Variants in TNRC18 observed in about 807,000 individuals in gnomAD.
TNRC18 encodes the protein trinucleotide repeat-containing gene 18 protein.
A neutral mutation model predicts 226.7 loss-of-function variants in TNRC18; 69 were observed. That is an observed-to-expected ratio of 0.30 (90% CI 0.25 to 0.37). TNRC18 has a LOEUF of 0.37. Ranked by LOEUF, TNRC18 falls within the 10% of genes least tolerant of loss-of-function variation. TNRC18 has a pLI of 1.00. For missense variants in TNRC18, 4,754 were observed against 4,256.6 expected, an observed-to-expected ratio of 1.12 and a Z score of -3.25; for synonymous variants, 2,449 against 1,927.6, an observed-to-expected ratio of 1.27 and a Z score of -7.09.
rs551361804 is a variant in TNRC18, at chr7:5,308,091, C to A, written c.*15G>T. On this transcript the variant is annotated 3_prime_UTR_variant, in exon 30 of 30. Transcript: ENST00000430969. ...CCGCCCTCGGGGCACAGGTGGCCCGCAGGGCCCGGCGGGCTCAGCAGAGCA... is the reference window on the plus strand; with the variant it reads ...CCGCCCTCGGGGCACAGGTGGCCCGAAGGGCCCGGCGGGCTCAGCAGAGCA... 1.3e-4 allele frequency: 205 copies of A among 1,544,248 alleles called. 1 individual carries two copies. The East Asian group carries it at 4.9e-3, about 37-fold the overall frequency.
intron 21 of TNRC18, among the ~76,000 whole-genome samples, chr7:5,323,662 G>C (rs1788611567): frequency 6.7e-6 from 1 of 149,114 alleles, no homozygotes; most frequent in Non-Finnish European, 1.5e-5. Context: ...CCGCCTCCTG[G>C]TTTCAAGTGA....
chr7:5,376,155 A>AG lies in TNRC18; in HGVS notation c.2677dup (p.Leu893ProfsTer221). ...GAGCTGCAGCTGCTGGGCGTGGTGC[A>AG]GGGGGCTGCGGCCCGGCGGGTACAG... is the stretch of plus-strand genomic sequence containing the variant. On this transcript the variant is annotated frameshift_variant, in exon 9 of 30. Transcript: ENST00000430969. LOFTEE classifies it high-confidence loss of function. The AG allele has an allele frequency of 6.3e-7, 1 of 1,583,196 alleles. No individual in the cohort carries two copies. Among genetic ancestry groups the AG allele is most frequent in the South Asian group, 1.2e-5 (1 of 86,550 alleles).
chr7:5,396,340 T>TC (rs1267408972), intron 2 of TNRC18, among the ~76,000 whole-genome samples: 1 of 151,850 alleles, frequency 6.6e-6, no homozygotes, highest in African/African-American at 2.4e-5. Flanking sequence ...AGAGTGAGAC[T>TC]CCGTCTCAAA....
intron 16 of TNRC18, among the ~76,000 whole-genome samples, chr7:5,354,019 G>T (rs1466140375): frequency 6.6e-6 from 1 of 151,986 alleles, no homozygotes; most frequent in Non-Finnish European, 1.5e-5. Flanking sequence ...CCTGGCCAAT[G>T]TGGTGAAACC....
intron 15 of TNRC18, among the ~76,000 whole-genome samples, chr7:5,359,078 C>A (rs567257508): frequency 6.6e-6 from 1 of 152,262 alleles, no homozygotes; most frequent in South Asian, 2.1e-4. Flanking sequence ...AACAACAGAG[C>A]AATTGTATTA....
Position 5,389,010 on chromosome 7 carries a change from TG to T in TNRC18, c.813del (p.Lys272ArgfsTer10). On this transcript the variant is annotated frameshift_variant, in exon 5 of 30. Coordinates refer to ENST00000430969, the MANE Select transcript of TNRC18 (RefSeq NM_001080495.3). LOFTEE classifies it high-confidence loss of function. ...ACCGACGGCTGCAGCGCCGCATTCT[TG>T]GTCTTGGACTCAGCCAGGAAGGGCG... ...RLSPFLAESK[T>X]KNAALQPSVL... is the part of the protein sequence containing the mutation. 7.4e-7 allele frequency: 1 copy of T among 1,352,810 alleles called. No homozygotes were observed. The highest frequency in any genetic ancestry group is 9.6e-7 in the Non-Finnish European group (1 of 1,044,794). 83.8% of individuals were successfully genotyped at this position (1,352,810 alleles called of 1,614,324 possible).
intron 26 of TNRC18, among the ~76,000 whole-genome samples, chr7:5,314,137 TA>T (rs2128106163): frequency 1.3e-5 from 2 of 150,490 alleles, no homozygotes; most frequent in African/African-American, 5.0e-5. Context: ...TTTTTTGTAT[TA>T]TTATTTTTTT....
intron 19 of TNRC18, among the ~76,000 whole-genome samples, chr7:5,331,814 G>A (rs993271236): frequency 2.6e-5 from 4 of 152,196 alleles, no homozygotes; most frequent in African/African-American, 7.2e-5. Context: ...GGAGGCTGAG[G>A]TGGGAGGGCT....
Position 5,394,549 on chromosome 7 carries a change from C to T in TNRC18, c.234G>A (p.Ser78=), listed in dbSNP as rs768276442. 1.9e-6 allele frequency: 3 copies of T among 1,550,388 alleles called. No homozygotes were observed. The highest frequency in any genetic ancestry group is 2.0e-5 in the Admixed American group (1 of 48,926). ...GSFVASGMGP[S]ASSHGSPVPL... ...GCACTGGGCTCCCATGGGACGAGGC[C>T]GAGGGCCCCATCCCGCTGGCCACAA... Residue 78 remains serine (S), a synonymous_variant, in exon 3 of 30, where the codon TCG becomes TCA. Coordinates refer to ENST00000430969, the MANE Select transcript of TNRC18 (RefSeq NM_001080495.3). The surrounding 1 kb of genome is among the most constrained non-coding windows in gnomAD (Gnocchi z 4.5).
Position 5,389,038 on chromosome 7 carries a change from C to T in TNRC18, c.786G>A (p.Leu262=), listed in dbSNP as rs1780060724. The part of the protein sequence containing the change: ...DRGPPRLAER[L]SPFLAESKTK... ...TCTTGGACTCAGCCAGGAAGGGCGA[C>T]AGGCGCTCAGCCAGGCGCGGGGGCC... The change falls in exon 5 of 30, where the codon CTG becomes CTA. Residue 262 remains leucine, a synonymous_variant. Transcript: ENST00000430969. The T allele has an allele frequency of 2.3e-6, 3 of 1,302,998 alleles. No individual in the cohort carries two copies. Among genetic ancestry groups the T allele is most frequent in the Middle Eastern group, 2.3e-4 (1 of 4,296 alleles). 80.7% of individuals were successfully genotyped at this position (1,302,998 alleles called of 1,614,324 possible). A position where few individuals can be genotyped will look rare whatever the true frequency, so the allele number is the denominator to read the frequency against.
Position 5,309,496 on chromosome 7 carries a change from G to A in TNRC18, c.8389-128C>T. 1.3e-6 allele frequency: 1 copy of A among 755,618 alleles called. No homozygotes were observed. Among genetic ancestry groups the A allele is most frequent in the Non-Finnish European group, 2.1e-6 (1 of 471,916 alleles). 46.8% of individuals were successfully genotyped at this position (755,618 alleles called of 1,614,324 possible). A position where few individuals can be genotyped will look rare whatever the true frequency, so the allele number is the denominator to read the frequency against. On this transcript the variant is annotated intron_variant, in intron 27 of 29. Coordinates refer to ENST00000430969, the MANE Select transcript of TNRC18 (RefSeq NM_001080495.3). The surrounding 1 kb of genome is among the most constrained non-coding windows in gnomAD (Gnocchi z 5.7). ...ATCAACCCCTATCCAACTGTGGGGA[G>A]ATGAGGAAGCTCCTTGTCTCGCTTC...
chr7:5,357,088 C>A lies in TNRC18; in HGVS notation c.5022G>T (p.Gly1674=). 1 of 1,551,976 alleles carries A rather than the reference C, an allele frequency of 6.4e-7. No homozygotes were observed. The highest frequency in any genetic ancestry group is 2.4e-5 in the East Asian group (1 of 40,942). The change falls in exon 16 of 30, where the codon GGG becomes GGT. Residue 1674 remains glycine, a synonymous_variant. Coordinates refer to ENST00000430969, the MANE Select transcript of TNRC18 (RefSeq NM_001080495.3). ...CCTTGGCCAGCGCCTTCCTGTTCTT[C>A]CCCAGCAGGCTGTCGTAAGGAGTCA... ...RYLTPYDSLL[G]KNRKALAKGL...
In TNRC18 at chr7:5,323,568, G is replaced by GTTTT. The variant is rs1554272402; in HGVS notation, c.6442+642_6442+645dup. Among the ~76,000 whole-genome samples, 24 of 122,266 alleles carry GTTTT rather than the reference G, an allele frequency of 2.0e-4. 7 individuals carry two copies. Among genetic ancestry groups the GTTTT allele is most frequent in the East Asian group, 4.8e-4 (2 of 4,134 alleles). 80.2% of individuals were successfully genotyped at this position (122,266 alleles called of 152,430 possible). On this transcript the variant is annotated intron_variant, in intron 21 of 29. Coordinates refer to ENST00000430969, the MANE Select transcript of TNRC18 (RefSeq NM_001080495.3). ...CTCGTTCTCTGTGCAGCACCAGACA[G>GTTTT]TTTTTTTTTTTTTGAGACACAGTTT...
chr7:5,320,788 G>A (rs1004205136), intron 22 of TNRC18, 181 bp from the exon 23 acceptor site: 2 of 637,362 alleles, frequency 3.1e-6, no homozygotes, highest in Non-Finnish European at 5.5e-6. Context: ...TCATCTGTAG[G>A]ACTAGGGGTT....
In TNRC18 at chr7:5,377,465, A is replaced by T. The variant is rs1455938789; in HGVS notation, c.2367T>A (p.Gly789=). 6.3e-7 allele frequency: 1 copy of T among 1,576,264 alleles called. No homozygotes were observed. Residue 789 remains glycine, a synonymous_variant, in exon 7 of 30, where the codon GGT becomes GGA. Coordinates refer to ENST00000430969, the MANE Select transcript of TNRC18 (RefSeq NM_001080495.3). The surrounding 1 kb of genome is among the most constrained non-coding windows in gnomAD (Gnocchi z 5.8). ...VTGGPALAGS[G]RWSADPAAHL... ...GGGCTGCGGGGTCGGCAGACCAGCG[A>T]CCTGAGCCCGCCAGCGCCGGGCCCC...
chr7:5,326,650 A>C (rs1788939717), intron 19 of TNRC18, among the ~76,000 whole-genome samples: 1 of 152,144 alleles, frequency 6.6e-6, no homozygotes, highest in Admixed American at 6.6e-5. Context: ...GTCTAAAACA[A>C]ATGGCCATTA....
At chr7:5,356,792 C>G (rs1242433667) in intron 16 of TNRC18, 124 bp downstream of exon 16, 3 of 1,356,980 alleles carry the variant, frequency 2.2e-6, no homozygotes, top group Non-Finnish European at 2.9e-6. Context: ...TGTAGTGCGC[C>G]CCAGAGAGAG....
At chr7:5,328,893 G>A (rs1297661789) in intron 19 of TNRC18, among the ~76,000 whole-genome samples, 7 of 152,122 alleles carry the variant, frequency 4.6e-5, no homozygotes, top group Non-Finnish European at 5.9e-5. Flanking sequence ...AGGAGACTGA[G>A]GCAGGAAAAC....
chr7:5,395,361 G>C (rs964278951), intron 2 of TNRC18, among the ~76,000 whole-genome samples: 8 of 152,238 alleles, frequency 5.3e-5, no homozygotes, highest in African/African-American at 1.7e-4. Flanking sequence ...CTGCCAATAG[G>C]GGCCACGGGG....
Sources: allele counts gnomAD v4.1 joint callset (sites outside exome capture counted in the v4.1 genomes callset), GRCh38; gene constraint gnomAD v4.1.1; non-coding constraint Gnocchi (gnomAD v3.1); transcripts MANE v1.5; gene names NCBI Gene and HGNC (gene_info 2026-07-23, HGNC 2026-07-21).